The following FYN variants were observed in gnomAD, a reference collection of about 807,000 sequenced individuals.
FYN encodes FYN proto-oncogene, Src family tyrosine kinase, also known as tyrosine-protein kinase Fyn.
Under a neutral mutation model 70.2 loss-of-function variants are expected in FYN, and 10 were observed. That is an observed-to-expected ratio of 0.14 (90% CI 0.09 to 0.24). FYN has a LOEUF of 0.24. Among genes scored for constraint, FYN ranks in the 10% least tolerant of loss-of-function variants. The pLI is 1.00. For synonymous variants in FYN, 236 were observed against 248.6 expected (o/e 0.95, Z 0.48); for missense variants, 319 against 673.1 (o/e 0.47, Z 5.82).
At chr6:111,857,825 C>T (rs1360491506) in intron 1 of FYN, among the ~76,000 whole-genome samples, 1 of 130,020 alleles carries the variant, frequency 7.7e-6, no homozygotes, top group Non-Finnish European at 1.6e-5. Context: ...CGTTCTCCTT[C>T]TTCTCCCCAG....
intron 3 of FYN, among the ~76,000 whole-genome samples, chr6:111,764,215 G>GAAAAAAAAAAA (rs1803120521): frequency 3.2e-4 from 1 of 3,160 alleles, no homozygotes; most frequent in Non-Finnish European, 5.4e-4. Context: ...ATTTTGTCAA[G>GAAAAAAAAAAA]CAAAAAAAAA....
At chr6:111,674,709 G>C in intron 12 of FYN, 79 bp from the exon 13 acceptor site, 1 of 1,482,450 alleles carries the variant, frequency 6.7e-7, no homozygotes, top group Non-Finnish European at 9.2e-7. Flanking sequence ...AAGGCACTTG[G>C]CAAGCTACTT....
intron 2 of FYN, among the ~76,000 whole-genome samples, chr6:111,835,676 G>T (rs1773161765): frequency 6.6e-6 from 1 of 152,052 alleles, no homozygotes. Context: ...TGGAGGGGAA[G>T]GGGAAGGGGT....
In FYN at chr6:111,700,019, AG is replaced by A; in HGVS notation, c.862+84del. 4.8e-6 allele frequency: 6 copies of A among 1,247,314 alleles called. No individual in the cohort carries two copies. The South Asian group carries it at 9.0e-5, about 19-fold the overall frequency. 77.3% of individuals were successfully genotyped at this position (1,247,314 alleles called of 1,614,324 possible). A position where few individuals can be genotyped will look rare whatever the true frequency, so the allele number is the denominator to read the frequency against. ...ATTCAAACTTTCTTCCCGGTCACGCAGTCTTTATTTTCACCTTCCATCTTTG... is the reference window on the plus strand; with the variant it reads ...ATTCAAACTTTCTTCCCGGTCACGCATCTTTATTTTCACCTTCCATCTTTG... On this transcript the variant is annotated intron_variant, in intron 9 of 13. Transcript: ENST00000354650.
chr6:111,774,664 G>A (rs940882699), intron 3 of FYN, among the ~76,000 whole-genome samples: 4 of 151,976 alleles, frequency 2.6e-5, no homozygotes, highest in Non-Finnish European at 5.9e-5. Flanking sequence ...CTAGGAAGTG[G>A]TTTGGGAAGA....
intron 3 of FYN, among the ~76,000 whole-genome samples, chr6:111,728,317 T>A (rs544827752): frequency 2.0e-5 from 3 of 152,322 alleles, no homozygotes; most frequent in Non-Finnish European, 4.4e-5. Flanking sequence ...AAGCCCCTTG[T>A]AGTTAATATT....
chr6:111,796,305 C>G (rs544288269), intron 2 of FYN, among the ~76,000 whole-genome samples: 1 of 152,202 alleles, frequency 6.6e-6, no homozygotes, highest in East Asian at 1.9e-4. Context: ...CCTAAGATTA[C>G]AATGCTGATA....
At chr6:111,828,414 G>A (rs1772906067) in intron 2 of FYN, among the ~76,000 whole-genome samples, 1 of 152,180 alleles carries the variant, frequency 6.6e-6, no homozygotes, top group South Asian at 2.1e-4. Flanking sequence ...TGGGTATCTA[G>A]TTGAAAAATT....
At chr6:111,812,710 C>A (rs1335860051) in intron 2 of FYN, among the ~76,000 whole-genome samples, 1 of 147,784 alleles carries the variant, frequency 6.8e-6, no homozygotes, top group Non-Finnish European at 1.5e-5. Context: ...AGAATGAGGC[C>A]AGAGACAAGT....
At chr6:111,799,706 C>A (rs1309787143) in intron 2 of FYN, among the ~76,000 whole-genome samples, 1 of 152,220 alleles carries the variant, frequency 6.6e-6, no homozygotes, top group Non-Finnish European at 1.5e-5. Flanking sequence ...TGCTGCCTGT[C>A]CAGAGCCACT....
chr6:111,691,940 T>C (rs1799337080), intron 12 of FYN, among the ~76,000 whole-genome samples: 1 of 152,212 alleles, frequency 6.6e-6, no homozygotes, highest in East Asian at 1.9e-4. Flanking sequence ...CCTCTGAGTC[T>C]ATTCCTATTG....
chr6:111,804,083 AC>A (rs1772073090), intron 2 of FYN, among the ~76,000 whole-genome samples: 1 of 152,116 alleles, frequency 6.6e-6, no homozygotes, highest in Non-Finnish European at 1.5e-5. Context: ...TTATGCTGAA[AC>A]CCACAGTTTA....
intron 3 of FYN, among the ~76,000 whole-genome samples, chr6:111,770,067 C>G (rs1238369718): frequency 6.6e-6 from 1 of 152,128 alleles, no homozygotes; most frequent in African/African-American, 2.4e-5. Context: ...CTGGGTGTGA[C>G]CTTGGACTAT....
chr6:111,751,168 G>A (rs1261542930), intron 3 of FYN, among the ~76,000 whole-genome samples: 2 of 152,142 alleles, frequency 1.3e-5, no homozygotes, highest in Admixed American at 6.5e-5. Context: ...TGGGGGCACT[G>A]GGGACAGAAC....
intron 2 of FYN, among the ~76,000 whole-genome samples, chr6:111,806,946 T>C (rs563780175): frequency 6.6e-6 from 1 of 152,282 alleles, no homozygotes; most frequent in Admixed American, 6.5e-5. Context: ...CCACGCAGGA[T>C]TTGAATTCAT....
chr6:111,672,163 TG>T (rs1386188246), intron 13 of FYN, among the ~76,000 whole-genome samples: 2 of 152,232 alleles, frequency 1.3e-5, no homozygotes, highest in Non-Finnish European at 2.9e-5. Flanking sequence ...ATTCATCCTG[TG>T]GTCCCTGGAA....
At chr6:111,785,893 C>T (rs748093537) in intron 2 of FYN, among the ~76,000 whole-genome samples, 4 of 142,058 alleles carry the variant, frequency 2.8e-5, no homozygotes, top group Admixed American at 7.4e-5. Flanking sequence ...TGTTCAATTC[C>T]CACCTGTAAG....
rs544055906 is a variant in FYN, at chr6:111,826,493, A to G, written c.-82+20096T>C. ...ATCCCTTCTACATTCAAACAAGAAT[A>G]TGCCTGAATCCAAAAACATGACTAA... is the stretch of plus-strand genomic sequence containing the variant. On this transcript the variant is annotated intron_variant, in intron 2 of 13. Transcript: ENST00000354650. 2.6e-5 allele frequency among the ~76,000 whole-genome samples: 4 copies of G among 152,304 alleles called. No individual in the cohort carries two copies. The East Asian group carries it at 7.7e-4, about 29-fold the overall frequency.
At chr6:111,853,115 C>G (rs976235432) in intron 1 of FYN, among the ~76,000 whole-genome samples, 1 of 132,186 alleles carries the variant, frequency 7.6e-6, no homozygotes, top group African/African-American at 3.8e-5. Context: ...CTTAAAAAGT[C>G]TTCATCTAAT....
Sources: allele counts gnomAD v4.1 joint callset (sites outside exome capture counted in the v4.1 genomes callset), GRCh38; gene constraint gnomAD v4.1.1; transcripts MANE v1.5; gene names NCBI Gene and HGNC (gene_info 2026-07-23, HGNC 2026-07-21).